The following POTEE variants were observed in gnomAD, a reference collection of about 807,000 sequenced individuals.
POTEE encodes the protein ANKRD26-like family C member 1A.
In POTEE, 21 loss-of-function variants were observed where a neutral mutation model predicts 74.2. The ratio of observed to expected loss-of-function variants is 0.28; its 90% CI spans 0.20 to 0.41. POTEE has a LOEUF of 0.41. Ranked by LOEUF, POTEE falls within the 10% of genes least tolerant of loss-of-function variation. The pLI, the probability that POTEE is intolerant of heterozygous loss-of-function variation, is 1.00. For synonymous variants in POTEE, 211 were observed against 432.8 expected (o/e 0.49, Z 6.36); for missense variants, 525 against 1,158.6 (o/e 0.45, Z 7.94).
chr2:131,228,088 T>G (rs1700837061), intron 7 of POTEE, among the ~76,000 whole-genome samples, 156 bp from the exon 8 acceptor site: 1 of 151,422 alleles, frequency 6.6e-6, no homozygotes, highest in Non-Finnish European at 1.5e-5. Flanking sequence ...TGGTGGCATT[T>G]TACAAAGATG....
At chr2:131,211,553 T>TGTGTGTGTGGC in intron 2 of POTEE, among the ~76,000 whole-genome samples, 3 of 94,132 alleles carry the variant, frequency 3.2e-5, no homozygotes, top group Non-Finnish European at 6.9e-5. Context: ...TTTTTTTTTT[T>TGTGTGTGTGGC]TTTTTTTTTT....
At chr2:131,237,372 T>C (rs1701162640) in intron 10 of POTEE, among the ~76,000 whole-genome samples, 2 of 152,046 alleles carry the variant, frequency 1.3e-5, no homozygotes, top group South Asian at 2.1e-4. Flanking sequence ...TTATGGTCTC[T>C]CGTTGACCTC....
intron 1 of POTEE, among the ~76,000 whole-genome samples, 31 bp downstream of exon 1, chr2:131,209,850 G>A (rs1700317963): frequency 6.6e-6 from 1 of 151,784 alleles, no homozygotes; most frequent in Admixed American, 6.6e-5. Flanking sequence ...CTGCCCGCCT[G>A]TGGGGGCAGG....
At chr2:131,220,850 A>G (rs1042764144) in intron 4 of POTEE, among the ~76,000 whole-genome samples, 2 of 151,538 alleles carry the variant, frequency 1.3e-5, no homozygotes, top group Admixed American at 1.3e-4. Context: ...AATCCCAGCT[A>G]CTCAGGAGGC....
chr2:131,217,906 G>C (rs1367812086), intron 3 of POTEE, among the ~76,000 whole-genome samples: 1 of 148,386 alleles, frequency 6.7e-6, no homozygotes. Flanking sequence ...GTAACGGCTT[G>C]GCTGGCCTGT....
intron 9 of POTEE, among the ~76,000 whole-genome samples, chr2:131,233,448 A>G (rs1701026341): frequency 6.6e-6 from 1 of 152,162 alleles, no homozygotes; most frequent in Admixed American, 6.5e-5. Flanking sequence ...TACCCTGTAA[A>G]GAAACCAGGA....
chr2:131,246,031 C>A (rs1701347726), intron 13 of POTEE, among the ~76,000 whole-genome samples: 1 of 139,038 alleles, frequency 7.2e-6, no homozygotes. Flanking sequence ...AGTTGTGGAG[C>A]CCTGCTCTGG....
intron 4 of POTEE, among the ~76,000 whole-genome samples, chr2:131,220,934 C>G (rs1280043441): frequency 7.3e-6 from 1 of 137,922 alleles, no homozygotes; most frequent in Non-Finnish European, 1.5e-5. Flanking sequence ...ACATTCCAGC[C>G]TGGGTGATAG....
chr2:131,245,829 A>G (rs1314955397), intron 13 of POTEE, among the ~76,000 whole-genome samples: 1 of 46,952 alleles, frequency 2.1e-5, no homozygotes, highest in African/African-American at 5.0e-5. Flanking sequence ...GCAGTTCACA[A>G]CAGGGTTCAT....
intron 4 of POTEE, among the ~76,000 whole-genome samples, chr2:131,221,797 G>A (rs1312451061): frequency 1.3e-5 from 2 of 152,146 alleles, no homozygotes; most frequent in Non-Finnish European, 2.9e-5. Context: ...AATTAAAATA[G>A]CAAATGTAAG....
rs1489345145 is a variant in POTEE at position 131,218,416 on chromosome 2, T to G, written c.14T>G (p.Val5Gly). The change falls in exon 4 of 18, where the codon GTT becomes GGT. Residue 5 changes from valine (V) to glycine (G), a missense_variant. Transcript: ENST00000683005. Reference protein sequence around the residue: MVVEVDSMPAASSVK... With the variant: MVVEGDSMPAASSVK... ...TGTTAAAAGCAGATGGTGGTTGAGGTTGATTCCATGCCGGCTGCCTCTTCT... is the reference window on the plus strand; with the variant it reads ...TGTTAAAAGCAGATGGTGGTTGAGGGTGATTCCATGCCGGCTGCCTCTTCT... 2 of 1,612,734 alleles carry G rather than the reference T, an allele frequency of 1.2e-6. No homozygotes were observed. The highest frequency in any genetic ancestry group is 1.7e-6 in the Non-Finnish European group (2 of 1,179,752).
intron 9 of POTEE, among the ~76,000 whole-genome samples, chr2:131,232,532 T>TAC (rs1700996252): frequency 7.2e-6 from 1 of 139,260 alleles, no homozygotes; most frequent in Non-Finnish European, 1.5e-5. Flanking sequence ...AAGTGTGTGA[T>TAC]ACGAGAGGTT....
intron 9 of POTEE, among the ~76,000 whole-genome samples, chr2:131,231,386 C>T (rs943412776): frequency 1.3e-5 from 2 of 151,802 alleles, no homozygotes; most frequent in African/African-American, 4.8e-5. Context: ...GCCTGCTGCT[C>T]ACCTCCTCCT....
chr2:131,233,283 C>G (rs898550164), intron 9 of POTEE, among the ~76,000 whole-genome samples: 35 of 151,938 alleles, frequency 2.3e-4, no homozygotes, highest in East Asian at 5.8e-4. Flanking sequence ...CTACTTAACC[C>G]TGCTGTTGTC....
rs1354749095 is a variant in POTEE at position 131,226,981 on chromosome 2, A to C, written c.917+52A>C. The C allele has an allele frequency of 2.5e-6, 4 of 1,600,770 alleles. No homozygotes were observed. In the East Asian group the frequency reaches 8.9e-5, roughly 36 times the overall value. On this transcript the variant is annotated intron_variant, in intron 7 of 17. Coordinates refer to ENST00000683005, the MANE Select transcript of POTEE (RefSeq NM_001083538.3). ...GTTCTAGATGGACAGCAGTCACTCAAGTCATAAATATTAAATTAATAAGAT... is the reference window on the plus strand; with the variant it reads ...GTTCTAGATGGACAGCAGTCACTCACGTCATAAATATTAAATTAATAAGAT...
intron 2 of POTEE, among the ~76,000 whole-genome samples, chr2:131,211,541 GC>G (rs1700358333): frequency 1.9e-3 from 14 of 7,528 alleles, no homozygotes; most frequent in Non-Finnish European, 3.6e-3. Context: ...TGTGTGTGTG[GC>G]TTTTTTTTTT....
rs186543483 is a variant in POTEE, at chr2:131,228,728, G to A, written c.1055+347G>A. Among the ~76,000 whole-genome samples the A allele has an allele frequency of 2.2e-4, 33 of 147,222 alleles. 2 individuals are homozygous for A. The South Asian group carries it at 2.7e-3, about 12-fold the overall frequency. ...TGGGTCTTGAAATGTCTAGTTTAGCGGAAAGTCTTGTACTGTCTTCTGGGG... is the reference window on the plus strand; with the variant it reads ...TGGGTCTTGAAATGTCTAGTTTAGCAGAAAGTCTTGTACTGTCTTCTGGGG... On this transcript the variant is annotated intron_variant, in intron 8 of 17. Coordinates refer to ENST00000683005, the MANE Select transcript of POTEE (RefSeq NM_001083538.3).
intron 9 of POTEE, among the ~76,000 whole-genome samples, chr2:131,236,260 C>G (rs1360067711): frequency 1.2e-4 from 18 of 151,896 alleles, no homozygotes; most frequent in South Asian, 2.1e-4. Flanking sequence ...TAACCTTGCT[C>G]TGGGATGTCT....
intron 6 of POTEE, among the ~76,000 whole-genome samples, chr2:131,224,999 CAT>C (rs942992893): frequency 7.9e-5 from 12 of 152,020 alleles, no homozygotes; most frequent in African/African-American, 2.2e-4. Flanking sequence ...CGGGGAAAAT[CAT>C]GTGGTGTTTT....
Sources: gnomAD v4.1 joint callset for allele counts (sites outside exome capture counted in the v4.1 genomes callset) on GRCh38, gnomAD v4.1.1 for gene constraint, MANE v1.5 for transcripts, NCBI Gene and HGNC (gene_info 2026-07-23, HGNC 2026-07-21) for gene names.